PARVB: variants seen among roughly 807,000 people sequenced by gnomAD.
The protein encoded by PARVB is beta-parvin.
A neutral mutation model predicts 47.0 loss-of-function variants in PARVB; 46 were observed. The ratio of observed to expected loss-of-function variants is 0.98; its 90% CI spans 0.77 to 1.25. The LOEUF (loss-of-function observed/expected upper bound fraction) is 1.25. Ranked by LOEUF, PARVB falls within the 50% of genes most tolerant of loss-of-function variation. The pLI, the probability that PARVB is intolerant of heterozygous loss-of-function variation, is 0.00. For synonymous variants in PARVB, 196 were observed against 196.3 expected (o/e 1.00, Z 0.01); for missense variants, 473 against 471.6 (o/e 1.00, Z -0.03).
chr22:43,999,526 A>G, intron 1 of PARVB: 1 of 1,569,230 alleles, frequency 6.4e-7, no homozygotes, highest in Non-Finnish European at 8.8e-7. Flanking sequence ...GTTCATTCCT[A>G]CCTGCAGCAG....
At chr22:44,119,852 C>A in intron 4 of PARVB, 2 of 531,734 alleles carry the variant, frequency 3.8e-6, no homozygotes, top group Non-Finnish European at 3.9e-6. Context: ...GTAGAGGACG[C>A]CGGCCTGGCC....
intron 3 of PARVB, among the ~76,000 whole-genome samples, chr22:44,102,285 A>G (rs1021053817): frequency 2.6e-5 from 4 of 152,162 alleles, no homozygotes; most frequent in African/African-American, 9.7e-5. Flanking sequence ...GCTTTACTCT[A>G]TCCACCAATT....
intron 6 of PARVB, among the ~76,000 whole-genome samples, chr22:44,133,867 C>T (rs942130215): frequency 3.3e-5 from 5 of 152,216 alleles, no homozygotes; most frequent in African/African-American, 1.2e-4. Context: ...TGGACAGTCG[C>T]TGCCTAGGGT....
At position 44,159,725 on chromosome 22, in the gene PARVB, T is replaced by C. The variant is rs141722357; in HGVS notation, c.945+1642T>C. Among the ~76,000 whole-genome samples the C allele has an allele frequency of 1.1e-3, 174 of 152,292 alleles. 3 individuals carry two copies. The East Asian group carries it at 0.029, about 25-fold the overall frequency. ...ATAGTATTTATTATCTACCTTGTAGTCTTCGTGAATCCTGGACAGGTGGGT... is the reference window on the plus strand; with the variant it reads ...ATAGTATTTATTATCTACCTTGTAGCCTTCGTGAATCCTGGACAGGTGGGT... On this transcript the variant is annotated intron_variant, in intron 11 of 12. Coordinates refer to ENST00000338758, the MANE Select transcript of PARVB (RefSeq NM_013327.5).
chr22:44,126,036 G>C (rs1168009409), intron 4 of PARVB, among the ~76,000 whole-genome samples: 1 of 152,136 alleles, frequency 6.6e-6, no homozygotes, highest in Admixed American at 6.5e-5. Context: ...TTGGGAAGGC[G>C]GGGGTCTGTG....
chr22:44,095,681 AG>A (rs2052287597), intron 2 of PARVB, among the ~76,000 whole-genome samples: 2 of 152,182 alleles, frequency 1.3e-5, no homozygotes, highest in African/African-American at 4.8e-5. Flanking sequence ...TTTTCCTTAA[AG>A]TGTGTTTTGG....
At chr22:44,115,833 C>G (rs551704553) in intron 3 of PARVB, 2 of 147,646 alleles carry the variant, frequency 1.4e-5, no homozygotes, top group Non-Finnish European at 3.0e-5. Flanking sequence ...AGGCCCTACA[C>G]CAGAATGGAT....
At chr22:44,167,429 C>G (rs1402903975) in intron 12 of PARVB, among the ~76,000 whole-genome samples, 2 of 152,154 alleles carry the variant, frequency 1.3e-5, no homozygotes, top group African/African-American at 4.8e-5. Context: ...TCTCAGAGCT[C>G]AGACCTGGGG....
intron 1 of PARVB, among the ~76,000 whole-genome samples, chr22:44,085,768 C>T (rs530851343): frequency 1.1e-3 from 171 of 152,350 alleles, no homozygotes; most frequent in African/African-American, 3.7e-3. Context: ...AGACTCTCCA[C>T]GGTGCAAGGG....
intron 2 of PARVB, among the ~76,000 whole-genome samples, chr22:44,097,237 C>G (rs938112005): frequency 6.6e-6 from 1 of 152,208 alleles, no homozygotes; most frequent in African/African-American, 2.4e-5. Context: ...TGCAGGATGT[C>G]AGAAAGTCCC....
At chr22:44,031,194 TG>T (rs2050820465) in intron 1 of PARVB, among the ~76,000 whole-genome samples, 1 of 152,230 alleles carries the variant, frequency 6.6e-6, no homozygotes, top group Non-Finnish European at 1.5e-5. Context: ...ACTGCGACGC[TG>T]CCCAGCACCT....
intron 1 of PARVB, among the ~76,000 whole-genome samples, chr22:44,030,585 G>A (rs966625423): frequency 4.6e-5 from 7 of 152,112 alleles, no homozygotes; most frequent in Non-Finnish European, 8.8e-5. Context: ...CGGAATGGGG[G>A]AACGGCGGGG....
At chr22:44,139,852 A>C in intron 7 of PARVB, 1 of 487,626 alleles carries the variant, frequency 2.1e-6, no homozygotes. Context: ...CCTCCAAACA[A>C]CATTACCAGG....
At chr22:44,058,657 C>T (rs755573488) in intron 1 of PARVB, among the ~76,000 whole-genome samples, 15 of 149,268 alleles carry the variant, frequency 1.0e-4, no homozygotes, top group Admixed American at 6.8e-4. Flanking sequence ...CGAGTTCAAG[C>T]GACTCTCCTG....
At chr22:44,115,901 GGCCCTGC>G (rs1391941913) in intron 3 of PARVB, 51 of 151,028 alleles carry the variant, frequency 3.4e-4, no homozygotes, top group African/African-American at 1.1e-3. Context: ...TACTAACTAA[GGCCCTGC>G]ACCAACACAG....
chr22:44,097,919 G>C (rs1239646352), intron 2 of PARVB, among the ~76,000 whole-genome samples: 1 of 152,142 alleles, frequency 6.6e-6, no homozygotes, highest in Non-Finnish European at 1.5e-5. Context: ...CCCGCCGACT[G>C]AGGCAGGACC....
At chr22:44,023,537 C>CAAAACAAAAT (rs1416034853), upstream of PARVB, among the ~76,000 whole-genome samples, 20 of 127,392 alleles carry the variant, frequency 1.6e-4, no homozygotes, top group East Asian at 7.2e-4. Context: ...TAAAACAAAA[C>CAAAACAAAAT]AAAATAAAAT....
chr22:44,102,591 G>A (rs149074277), intron 3 of PARVB, among the ~76,000 whole-genome samples: 212 of 152,102 alleles, frequency 1.4e-3, no homozygotes, highest in African/African-American at 4.7e-3. Flanking sequence ...AAATCCCAGC[G>A]CCCTGGGAGG....
rs374287033 is a variant in PARVB, at chr22:44,031,134, G to A, written c.112+6683G>A. ...CCTCCTTCGAGCAGAGGCCGTCTCC[G>A]TTTGGGGATGGACAGCTGTTGGTCC... On this transcript the variant is annotated intron_variant, in intron 1 of 12. Coordinates refer to ENST00000338758, the MANE Select transcript of PARVB (RefSeq NM_013327.5). 7.2e-5 allele frequency among the ~76,000 whole-genome samples: 11 copies of A among 152,258 alleles called. 1 individual carries two copies. Among genetic ancestry groups the A allele is most frequent in the African/African-American group, 7.2e-5 (3 of 41,534 alleles).
Sources: gnomAD v4.1 joint callset for allele counts (sites outside exome capture counted in the v4.1 genomes callset) on GRCh38, gnomAD v4.1.1 for gene constraint, MANE v1.5 for transcripts, NCBI Gene and HGNC (gene_info 2026-07-23, HGNC 2026-07-21) for gene names.